Variants in DMAC2L observed in about 807,000 individuals in gnomAD.
The protein encoded by DMAC2L is distal membrane arm assembly component 2 like.
A neutral mutation model predicts 22.5 loss-of-function variants in DMAC2L; 21 were observed. The ratio of observed to expected loss-of-function variants is 0.93; its 90% CI spans 0.66 to 1.34. DMAC2L has a LOEUF of 1.34. DMAC2L is among the 40% of genes most tolerant of loss of function. The probability of loss-of-function intolerance (pLI) is 0.00; values close to 1 mark genes in which losing one functional copy is unlikely to be tolerated. For synonymous variants in DMAC2L, 86 were observed against 89.5 expected (o/e 0.96, Z 0.22); for missense variants, 239 against 246.5 (o/e 0.97, Z 0.20).
At chr14:50,318,164 G>T (rs982090676) in intron 2 of DMAC2L, among the ~76,000 whole-genome samples, 2 of 152,072 alleles carry the variant, frequency 1.3e-5, no homozygotes, top group African/African-American at 4.8e-5. Context: ...CGTTTAACTG[G>T]GTTCTTTTAA....
chr14:50,324,587 C>T (rs1437308136), intron 5 of DMAC2L: 1 of 152,378 alleles, frequency 6.6e-6, no homozygotes, highest in East Asian at 1.9e-4. Context: ...TCATCAAAAG[C>T]ATGCATCCAC....
At chr14:50,316,148 T>C (rs1447751105) in intron 2 of DMAC2L, among the ~76,000 whole-genome samples, 1 of 152,170 alleles carries the variant, frequency 6.6e-6, no homozygotes, top group African/African-American at 2.4e-5. Context: ...ATTTGCATTT[T>C]CCTGATGATT....
upstream of DMAC2L, chr14:50,312,013 G>T (rs763726013): frequency 3.0e-5 from 47 of 1,563,320 alleles, no homozygotes; most frequent in Non-Finnish European, 3.8e-5. Flanking sequence ...CCACTCACCT[G>T]GTGCTGGCGC....
At chr14:50,316,364 T>G (rs1318306431) in intron 2 of DMAC2L, among the ~76,000 whole-genome samples, 2 of 152,270 alleles carry the variant, frequency 1.3e-5, no homozygotes, top group Non-Finnish European at 2.9e-5. Context: ...GTCTGTTTAC[T>G]CTGCTGACTG....
At chr14:50,313,488 A>G (rs2031456799) in intron 1 of DMAC2L, among the ~76,000 whole-genome samples, 1 of 152,228 alleles carries the variant, frequency 6.6e-6, no homozygotes, top group Non-Finnish European at 1.5e-5. Flanking sequence ...TTTTACCACC[A>G]GAACAGTGGT....
Position 50,325,809 on chromosome 14 carries a change from T to C in DMAC2L, c.*86T>C, listed in dbSNP as rs1693350702. 7.4e-6 allele frequency: 11 copies of C among 1,485,822 alleles called. No homozygotes were observed. Among genetic ancestry groups the C allele is most frequent in the African/African-American group, 1.4e-5 (1 of 70,868 alleles). 92.0% of individuals were successfully genotyped at this position (1,485,822 alleles called of 1,614,324 possible). ...TAATATTATATAGTCATCAGTAGAATTATAAGGATGCCATATCATGACATT... is the reference window on the plus strand; with the variant it reads ...TAATATTATATAGTCATCAGTAGAACTATAAGGATGCCATATCATGACATT... On this transcript the variant is annotated 3_prime_UTR_variant, in exon 6 of 6. Coordinates refer to ENST00000557421, the MANE Select transcript of DMAC2L (RefSeq NM_001382507.1).
In DMAC2L at chr14:50,324,045, C is replaced by T; in HGVS notation, c.417C>T (p.Thr139=). 6.2e-7 allele frequency: 1 copy of T among 1,613,908 alleles called. No individual in the cohort carries two copies. The highest frequency in any genetic ancestry group is 8.5e-7 in the Non-Finnish European group (1 of 1,179,906). The change falls in exon 5 of 6, where the codon ACC becomes ACT. Residue 139 remains threonine (T), a synonymous_variant. Coordinates refer to ENST00000557421, the MANE Select transcript of DMAC2L (RefSeq NM_001382507.1). ...RLSQLENLQK[T]ILEMEIISCG... is the part of the protein sequence containing the mutation. ...GTCAACTTGAAAATTTACAAAAAAC[C>T]ATATTGGAAATGGAAATAATATCCT...
At chr14:50,320,088 T>TTTTA (rs147800081) in intron 2 of DMAC2L, among the ~76,000 whole-genome samples, 6 of 152,116 alleles carry the variant, frequency 3.9e-5, no homozygotes, top group South Asian at 2.1e-4. Flanking sequence ...CTTTGTTCTA[T>TTTTA]TTTATTTATT....
chr14:50,319,276 G>A lies in DMAC2L; in HGVS notation c.-5-2207G>A, dbSNP rs539993820. On this transcript the variant is annotated intron_variant, in intron 2 of 5. Coordinates refer to ENST00000557421, the MANE Select transcript of DMAC2L (RefSeq NM_001382507.1). ...AGCAGAGGCTTGCAGTAATGAAGAC[G>A]GCTGTAGTGAAAAAGGGATGAAAGG... The A allele has an allele frequency of 1.3e-5, 20 of 1,536,032 alleles. No homozygotes were observed. In the Admixed American group the frequency reaches 1.6e-4, roughly 12 times the overall value.
In DMAC2L at chr14:50,315,018, G is replaced by A. The variant is rs947873364; in HGVS notation, c.-6+392G>A. ...GTCTCGCTCTGTCACCCAGGCTGGA[G>A]TGCAGTGGCATGATCTCAGCTCACT... is the stretch of plus-strand genomic sequence containing the variant. On this transcript the variant is annotated intron_variant, in intron 2 of 5. Coordinates refer to ENST00000557421, the MANE Select transcript of DMAC2L (RefSeq NM_001382507.1). 3.3e-5 allele frequency among the ~76,000 whole-genome samples: 5 copies of A among 151,440 alleles called. No homozygotes were observed. The East Asian group carries it at 6.0e-4, about 18-fold the overall frequency.
upstream of DMAC2L, chr14:50,311,936 G>C (rs1308093842): frequency 6.6e-7 from 1 of 1,525,512 alleles, no homozygotes. Context: ...ATACGAACAG[G>C]GGCACAGGTC....
chr14:50,317,476 G>A (rs1364031984), intron 2 of DMAC2L, among the ~76,000 whole-genome samples: 1 of 152,156 alleles, frequency 6.6e-6, no homozygotes, highest in East Asian at 1.9e-4. Flanking sequence ...GAATAGAAGT[G>A]ATGAGAGTGG....
At chr14:50,318,225 T>C (rs1481875790) in intron 2 of DMAC2L, among the ~76,000 whole-genome samples, 1 of 152,210 alleles carries the variant, frequency 6.6e-6, no homozygotes, top group Non-Finnish European at 1.5e-5. Context: ...CCTCTTTCCC[T>C]ATAGAAAGCG....
intron 1 of DMAC2L, 112 bp downstream of exon 1, chr14:50,312,501 C>T (rs2031317976): frequency 2.6e-6 from 1 of 390,648 alleles, no homozygotes. Flanking sequence ...TTGGGTCGCG[C>T]GTCTTCGACC....
At chr14:50,321,727 A>C in intron 3 of DMAC2L, 133 bp downstream of exon 3, 1 of 544,414 alleles carries the variant, frequency 1.8e-6, no homozygotes. Flanking sequence ...AAACAAACAA[A>C]ACCCACACAA....
chr14:50,326,844 C>A lies in DMAC2L; in HGVS notation c.*1121C>A. ...TCACTTGAGACCAGGAGTTTGAGAC[C>A]AATTTGGGCAACACAGTGAGACCCC... On this transcript the variant is annotated 3_prime_UTR_variant, in exon 6 of 6. Coordinates refer to ENST00000557421, the MANE Select transcript of DMAC2L (RefSeq NM_001382507.1). 1.3e-6 allele frequency: 1 copy of A among 793,836 alleles called. No individual in the cohort carries two copies. The highest frequency in any genetic ancestry group is 1.5e-6 in the Non-Finnish European group (1 of 655,716). 49.2% of individuals were successfully genotyped at this position (793,836 alleles called of 1,614,324 possible). A position where few individuals can be genotyped will look rare whatever the true frequency, so the allele number is the denominator to read the frequency against.
At chr14:50,318,741 AGAC>A (rs2032022876) in intron 2 of DMAC2L, among the ~76,000 whole-genome samples, 1 of 152,196 alleles carries the variant, frequency 6.6e-6, no homozygotes, top group South Asian at 2.1e-4. Flanking sequence ...TTAATCATTA[AGAC>A]CCATTTCAAA....
upstream of DMAC2L, chr14:50,312,077 C>G: frequency 6.2e-7 from 1 of 1,603,576 alleles, no homozygotes; most frequent in South Asian, 1.1e-5. Flanking sequence ...CCCGCACGCC[C>G]CAGGGGAGCC....
intron 2 of DMAC2L, chr14:50,319,246 A>T: frequency 1.3e-6 from 2 of 1,536,182 alleles, no homozygotes; most frequent in East Asian, 2.4e-5. Flanking sequence ...GATAAGAGGT[A>T]GTGGAGCAGA....
Sources: allele counts gnomAD v4.1 joint callset (sites outside exome capture counted in the v4.1 genomes callset), GRCh38; gene constraint gnomAD v4.1.1; transcripts MANE v1.5; gene names NCBI Gene and HGNC (gene_info 2026-07-23, HGNC 2026-07-21).